EML5: variants seen among roughly 807,000 people sequenced by gnomAD.
The protein encoded by EML5 is EMAP like 5.
A neutral mutation model predicts 250.0 loss-of-function variants in EML5; 120 were observed. The ratio of observed to expected loss-of-function variants is 0.48; its 90% CI spans 0.41 to 0.56. The LOEUF (loss-of-function observed/expected upper bound fraction) is 0.56, where lower values mean the gene tolerates loss of function less well. Ranked by LOEUF, EML5 falls within the 20% of genes least tolerant of loss-of-function variation. The probability of loss-of-function intolerance (pLI) is 0.00; values close to 1 mark genes in which losing one functional copy is unlikely to be tolerated. For synonymous variants in EML5, 771 were observed against 806.5 expected (o/e 0.96, Z 0.75); for missense variants, 2,006 against 2,437.6 (o/e 0.82, Z 3.73).
At chr14:88,625,382 C>T in intron 35 of EML5, 1 of 404,606 alleles carries the variant, frequency 2.5e-6, no homozygotes, top group Non-Finnish European at 4.4e-6. Flanking sequence ...CCAATTCTAA[C>T]ATACTATAAT....
intron 2 of EML5, among the ~76,000 whole-genome samples, chr14:88,750,739 C>G (rs1595770933): frequency 6.6e-6 from 1 of 152,116 alleles, no homozygotes; most frequent in East Asian, 1.9e-4. Context: ...GACTCTCCAT[C>G]AAATCAAGCT....
intron 33 of EML5, among the ~76,000 whole-genome samples, chr14:88,629,744 G>T (rs1043957428): frequency 6.6e-6 from 1 of 152,120 alleles, no homozygotes; most frequent in African/African-American, 2.4e-5. Context: ...CCTCAGAGAA[G>T]ATAACTGACT....
chr14:88,698,319 G>A (rs2093128963), intron 14 of EML5, among the ~76,000 whole-genome samples: 1 of 139,824 alleles, frequency 7.2e-6, no homozygotes, highest in East Asian at 2.3e-4. Flanking sequence ...CTGCTGAAGT[G>A]AAATGGCATG....
At chr14:88,719,761 T>C (rs2093561244) in intron 8 of EML5, among the ~76,000 whole-genome samples, 1 of 151,780 alleles carries the variant, frequency 6.6e-6, no homozygotes, top group African/African-American at 2.4e-5. Flanking sequence ...CTTGCAGAAA[T>C]ACCAATTTGA....
Position 88,687,307 on chromosome 14 carries a change from T to C in EML5, c.2763A>G (p.Lys921=). 1 of 1,607,426 alleles carries C rather than the reference T, an allele frequency of 6.2e-7. No homozygotes were observed. Among genetic ancestry groups the C allele is most frequent in the South Asian group, 1.1e-5 (1 of 88,788 alleles). ...CATCCCAAAGAGCTACTATACCATCTTTTCCTCCAGTTACAAACCCCTATG... is the reference window on the plus strand; with the variant it reads ...CATCCCAAAGAGCTACTATACCATCCTTTCCTCCAGTTACAAACCCCTATG... The part of the protein sequence containing the change: ...ALEKGFVTGG[K]DGIVALWDDS... Residue 921 remains lysine (K), a synonymous_variant, in exon 19 of 44, where the codon AAA becomes AAG. Coordinates refer to ENST00000554922, the MANE Select transcript of EML5 (RefSeq NM_183387.3).
rs2087148305 is a variant in EML5, at chr14:88,613,491, A to C, written c.*2327T>G. On this transcript the variant is annotated 3_prime_UTR_variant, in exon 44 of 44. Transcript: ENST00000554922. ...AGTTCAGCCATTTTACAAGGAAATA[A>C]TAAAATACTAAAATCTGATTGTTTT... 1 of 152,224 alleles carries C rather than the reference A, an allele frequency of 6.6e-6. No homozygotes were observed. The highest frequency in any genetic ancestry group is 2.1e-4 in the South Asian group (1 of 4,834). 9.4% of individuals were successfully genotyped at this position (152,224 alleles called of 1,614,324 possible).
intron 7 of EML5, among the ~76,000 whole-genome samples, chr14:88,732,570 A>T (rs2093777819): frequency 6.6e-6 from 1 of 152,032 alleles, no homozygotes; most frequent in Non-Finnish European, 1.5e-5. Context: ...ATTCCATATG[A>T]ACTTTAGTTT....
intron 33 of EML5, among the ~76,000 whole-genome samples, chr14:88,630,892 G>A (rs1381105535): frequency 6.6e-6 from 1 of 152,168 alleles, no homozygotes; most frequent in Admixed American, 6.5e-5. Context: ...AGAAGAGACG[G>A]AAAGTCCCTG....
intron 10 of EML5, among the ~76,000 whole-genome samples, chr14:88,712,000 C>T (rs1389130494): frequency 2.0e-5 from 3 of 150,676 alleles, no homozygotes; most frequent in South Asian, 2.1e-4. Context: ...AAAGAATTCA[C>T]GAAGTGAAAA....
intron 20 of EML5, among the ~76,000 whole-genome samples, chr14:88,684,717 G>A (rs1262573946): frequency 6.6e-6 from 1 of 151,310 alleles, no homozygotes; most frequent in Non-Finnish European, 1.5e-5. Context: ...TCAAAATATT[G>A]GCAATTATTC....
Position 88,712,389 on chromosome 14 carries a change from G to C in EML5, c.1539C>G (p.Pro513=). The C allele has an allele frequency of 6.2e-7, 1 of 1,613,438 alleles. No homozygotes were observed. The stretch of plus-strand genomic sequence containing the variant: ...TTATATCGTTGATATCTGAATACTT[G>C]GGCCAAATTCCATTTACTTCAAGGC... ...VSGLEVNGIW[P]KYSDINDINS... The change falls in exon 10 of 44, where the codon CCC becomes CCG. Residue 513 remains proline, a synonymous_variant. Coordinates refer to ENST00000554922, the MANE Select transcript of EML5 (RefSeq NM_183387.3).
At chr14:88,638,549 G>A (rs780871866) in intron 32 of EML5, among the ~76,000 whole-genome samples, 2 of 152,092 alleles carry the variant, frequency 1.3e-5, no homozygotes, top group African/African-American at 2.4e-5. Flanking sequence ...CCTGCTAAAG[G>A]ACTAAATCCA....
intron 3 of EML5, among the ~76,000 whole-genome samples, chr14:88,744,812 T>G (rs1181147674): frequency 6.6e-6 from 1 of 152,060 alleles, no homozygotes; most frequent in Non-Finnish European, 1.5e-5. Context: ...TCAACCTACC[T>G]CTAAAAGGTT....
At chr14:88,672,825 A>G (rs914818785) in intron 21 of EML5, among the ~76,000 whole-genome samples, 1 of 152,154 alleles carries the variant, frequency 6.6e-6, no homozygotes, top group Non-Finnish European at 1.5e-5. Context: ...ACACTCTCCA[A>G]AGACGGAACC....
intron 35 of EML5, 139 bp downstream of exon 35, chr14:88,626,699 A>T (rs767328593): frequency 3.6e-6 from 3 of 837,086 alleles, no homozygotes; most frequent in African/African-American, 1.7e-5. Flanking sequence ...TTTTTGAAAG[A>T]TGAAATATAT....
Position 88,620,568 on chromosome 14 carries a change from TG to T in EML5, c.5375+185del. 4.2e-6 allele frequency: 2 copies of T among 470,858 alleles called. No individual in the cohort carries two copies. The allele number at this position is 470,858 out of a possible 1,614,324, so 29.2% of individuals were successfully genotyped here. A position where few individuals can be genotyped will look rare whatever the true frequency, so the allele number is the denominator to read the frequency against. ...ACTTGCTATTATAGTTGGTGCCCAGTGGGTTTATAATTTAGCAAGAAGAATT... is the reference window on the plus strand; with the variant it reads ...ACTTGCTATTATAGTTGGTGCCCAGTGGTTTATAATTTAGCAAGAAGAATT... On this transcript the variant is annotated intron_variant, in intron 39 of 43. Transcript: ENST00000554922. This position sits in a 1 kb window ranked among gnomAD's most constrained non-coding sequence, Gnocchi z 4.3.
intron 3 of EML5, 25 bp from the exon 4 acceptor site, chr14:88,744,116 T>A: frequency 6.8e-7 from 1 of 1,476,996 alleles, no homozygotes; most frequent in Non-Finnish European, 9.2e-7. Flanking sequence ...GATTCATGAT[T>A]AAAATACTTA....
intron 1 of EML5, among the ~76,000 whole-genome samples, chr14:88,784,684 C>T (rs1038225035): frequency 6.6e-6 from 1 of 152,112 alleles, no homozygotes; most frequent in African/African-American, 2.4e-5. Context: ...CCATCTCACC[C>T]CAGTTAAAAT....
At chr14:88,655,501 T>G (rs2091834135) in intron 27 of EML5, among the ~76,000 whole-genome samples, 1 of 152,086 alleles carries the variant, frequency 6.6e-6, no homozygotes, top group African/African-American at 2.4e-5. Flanking sequence ...GACTTAAACA[T>G]AAGACCTAAA....
Sources: allele counts gnomAD v4.1 joint callset (sites outside exome capture counted in the v4.1 genomes callset), GRCh38; gene constraint gnomAD v4.1.1; non-coding constraint Gnocchi (gnomAD v3.1); transcripts MANE v1.5; gene names NCBI Gene and HGNC (gene_info 2026-07-23, HGNC 2026-07-21).